The following SCD5 variants were observed in gnomAD, a reference collection of about 807,000 sequenced individuals.
SCD5 encodes acyl-CoA-desaturase 4.
SCD5 carries 20 observed loss-of-function variants against 30.4 expected under a neutral mutation model. The ratio of observed to expected loss-of-function variants is 0.66; its 90% CI spans 0.46 to 0.96. SCD5 has a LOEUF of 0.96. Ranked by LOEUF, SCD5 falls within the 40% of genes least tolerant of loss-of-function variation. The probability of loss-of-function intolerance (pLI) is 0.00; values close to 1 mark genes in which losing one functional copy is unlikely to be tolerated. For missense variants in SCD5, 381 were observed against 443.3 expected, an observed-to-expected ratio of 0.86 and a Z score of 1.26; for synonymous variants, 173 against 176.4, an observed-to-expected ratio of 0.98 and a Z score of 0.16.
chr4:82,786,457 T>G (rs960929060), intron 1 of SCD5, among the ~76,000 whole-genome samples: 1 of 152,072 alleles, frequency 6.6e-6, no homozygotes, highest in Non-Finnish European at 1.5e-5. Flanking sequence ...TATTCATGTC[T>G]TGTTTCATTT....
At chr4:82,680,239 GT>G (rs1298867802) in intron 3 of SCD5, among the ~76,000 whole-genome samples, 3 of 152,152 alleles carry the variant, frequency 2.0e-5, no homozygotes, top group Admixed American at 2.0e-4. Flanking sequence ...CTAGTGTAAC[GT>G]TTCCATGAGT....
chr4:82,722,785 C>T (rs913940310), intron 1 of SCD5, among the ~76,000 whole-genome samples: 6 of 149,378 alleles, frequency 4.0e-5, no homozygotes, highest in Admixed American at 6.7e-5. Context: ...AAAGTATTCT[C>T]GGCTGGGCTC....
intron 3 of SCD5, among the ~76,000 whole-genome samples, chr4:82,653,283 G>A (rs1171930190): frequency 6.6e-6 from 1 of 152,154 alleles, no homozygotes; most frequent in Non-Finnish European, 1.5e-5. Flanking sequence ...CTCTTTTCCT[G>A]GTAGTTGGTG....
intron 1 of SCD5, among the ~76,000 whole-genome samples, chr4:82,727,360 G>T (rs749495897): frequency 6.6e-6 from 1 of 152,162 alleles, no homozygotes; most frequent in African/African-American, 2.4e-5. Context: ...GTCTACCCTT[G>T]TGGAGTTAAA....
intron 2 of SCD5, among the ~76,000 whole-genome samples, chr4:82,689,064 G>A (rs1472248848): frequency 2.6e-5 from 4 of 152,140 alleles, no homozygotes. Flanking sequence ...GGAAGAAAGG[G>A]CCTAGAAAAC....
At chr4:82,684,349 T>A (rs574732271) in intron 2 of SCD5, among the ~76,000 whole-genome samples, 17 of 152,294 alleles carry the variant, frequency 1.1e-4, no homozygotes, top group African/African-American at 1.7e-4. Flanking sequence ...AAGAATAAGA[T>A]GTGTTTTGTA....
intron 3 of SCD5, among the ~76,000 whole-genome samples, chr4:82,646,510 C>T (rs953443516): frequency 3.9e-5 from 6 of 152,180 alleles, no homozygotes; most frequent in African/African-American, 9.7e-5. Context: ...TTTTCTCTCT[C>T]CTGTGTGCAG....
intron 2 of SCD5, among the ~76,000 whole-genome samples, chr4:82,701,559 A>G (rs1375442680): frequency 6.6e-6 from 1 of 152,190 alleles, no homozygotes; most frequent in African/African-American, 2.4e-5. Flanking sequence ...GCTGTAGGAC[A>G]GCACATAAGA....
At chr4:82,742,807 T>G (rs1720905691) in intron 1 of SCD5, among the ~76,000 whole-genome samples, 1 of 152,080 alleles carries the variant, frequency 6.6e-6, no homozygotes, top group Non-Finnish European at 1.5e-5. Flanking sequence ...GTCCAGACAA[T>G]TACAGGAGAG....
chr4:82,642,510 T>C (rs1727565845), intron 3 of SCD5, among the ~76,000 whole-genome samples: 1 of 152,228 alleles, frequency 6.6e-6, no homozygotes, highest in Admixed American at 6.5e-5. Flanking sequence ...GTCCCGTGTC[T>C]ATGACACTCT....
At chr4:82,643,367 A>G (rs1329282068) in intron 3 of SCD5, among the ~76,000 whole-genome samples, 1 of 152,238 alleles carries the variant, frequency 6.6e-6, no homozygotes, top group African/African-American at 2.4e-5. Context: ...CTGTACATAT[A>G]TACAATAGAA....
At chr4:82,654,305 G>A (rs1727824473) in intron 3 of SCD5, among the ~76,000 whole-genome samples, 1 of 152,156 alleles carries the variant, frequency 6.6e-6, no homozygotes, top group Non-Finnish European at 1.5e-5. Context: ...CTTGGACAGG[G>A]AGCCTGTCCA....
intron 1 of SCD5, among the ~76,000 whole-genome samples, chr4:82,793,451 A>G (rs2148854944): frequency 6.6e-6 from 1 of 152,318 alleles, no homozygotes; most frequent in East Asian, 1.9e-4. Flanking sequence ...CACAGAAGGG[A>G]TTTGTGTTCA....
At chr4:82,783,834 A>T (rs1721931336) in intron 1 of SCD5, among the ~76,000 whole-genome samples, 1 of 151,670 alleles carries the variant, frequency 6.6e-6, no homozygotes, top group African/African-American at 2.4e-5. Flanking sequence ...AATTAAAATT[A>T]AAAAAAAGAA....
intron 2 of SCD5, among the ~76,000 whole-genome samples, chr4:82,694,667 A>AG (rs1185659222): frequency 2.0e-5 from 3 of 152,238 alleles, no homozygotes; most frequent in African/African-American, 7.2e-5. Flanking sequence ...CTGCAGATCC[A>AG]GAAAAAAAAA....
chr4:82,778,910 A>G (rs1721810003), intron 1 of SCD5, among the ~76,000 whole-genome samples: 1 of 149,312 alleles, frequency 6.7e-6, no homozygotes, highest in Admixed American at 6.7e-5. Context: ...CTTGTTGCCC[A>G]GGCTAGAGTG....
chr4:82,764,469 T>C (rs1721444840), intron 1 of SCD5, among the ~76,000 whole-genome samples: 1 of 152,222 alleles, frequency 6.6e-6, no homozygotes, highest in African/African-American at 2.4e-5. Flanking sequence ...TTTTATTGCC[T>C]TTATTGGCTT....
chr4:82,737,856 TG>T (rs1381639526), intron 1 of SCD5, among the ~76,000 whole-genome samples: 1 of 150,148 alleles, frequency 6.7e-6, no homozygotes, highest in African/African-American at 2.5e-5. Context: ...GTAGGAAGGC[TG>T]GGGGGCAAAA....
intron 1 of SCD5, among the ~76,000 whole-genome samples, chr4:82,750,813 T>A (rs1721086889): frequency 6.6e-6 from 1 of 152,178 alleles, no homozygotes; most frequent in African/African-American, 2.4e-5. Context: ...CAAAGTGAAG[T>A]TGTTTGCCAA....
Sources: allele counts gnomAD v4.1 joint callset (sites outside exome capture counted in the v4.1 genomes callset), GRCh38; gene constraint gnomAD v4.1.1; transcripts MANE v1.5; gene names NCBI Gene and HGNC (gene_info 2026-07-23, HGNC 2026-07-21).